Variants in KDM5A observed in about 807,000 individuals in gnomAD.
The protein encoded by KDM5A is lysine-specific demethylase 5A.
A neutral mutation model predicts 193.5 loss-of-function variants in KDM5A; 42 were observed. The observed-to-expected ratio is 0.22, with a 90% CI of 0.17 to 0.28. KDM5A has a LOEUF of 0.28. Among genes scored for constraint, KDM5A ranks in the 10% least tolerant of loss-of-function variants. The pLI is 1.00. For missense variants in KDM5A, 1,692 were observed against 2,055.1 expected, an observed-to-expected ratio of 0.82 and a Z score of 3.42; for synonymous variants, 796 against 718.1, an observed-to-expected ratio of 1.11 and a Z score of -1.73.
chr12:349,054 C>T (rs1944116088), intron 10 of KDM5A, among the ~76,000 whole-genome samples: 1 of 149,622 alleles, frequency 6.7e-6, no homozygotes, highest in Non-Finnish European at 1.5e-5. Context: ...CTGTTTCACC[C>T]TCGTTGCCCA....
intron 3 of KDM5A, among the ~76,000 whole-genome samples, chr12:366,949 C>A (rs141009526): frequency 6.6e-6 from 1 of 152,274 alleles, no homozygotes; most frequent in African/African-American, 2.4e-5. Context: ...CAAATACTTA[C>A]CATTGTGTTA....
intron 24 of KDM5A, among the ~76,000 whole-genome samples, chr12:298,135 G>A (rs1475404135): frequency 6.6e-6 from 1 of 152,202 alleles, no homozygotes; most frequent in African/African-American, 2.4e-5. Flanking sequence ...AGACTTAAAT[G>A]TCCCTGCCTG....
chr12:350,579 A>G (rs1245233496), intron 10 of KDM5A, 42 bp downstream of exon 10: 19 of 1,606,424 alleles, frequency 1.2e-5, no homozygotes, highest in Non-Finnish European at 1.3e-5. Flanking sequence ...TGCAAAAGCT[A>G]AATCAGCTTG....
At chr12:301,158 A>C (rs1943436176) in intron 24 of KDM5A, among the ~76,000 whole-genome samples, 1 of 152,222 alleles carries the variant, frequency 6.6e-6, no homozygotes, top group African/African-American at 2.4e-5. Flanking sequence ...AAAAGAGGGA[A>C]TCCTCCCTAA....
chr12:389,215 G>A lies in KDM5A; in HGVS notation c.-124C>T. The A allele has an allele frequency of 2.2e-6, 2 of 915,788 alleles. No homozygotes were observed. The highest frequency in any genetic ancestry group is 2.6e-5 in the South Asian group (2 of 76,090). The allele number at this position is 915,788 out of a possible 1,614,324, so 56.7% of individuals were successfully genotyped here. A position where few individuals can be genotyped will look rare whatever the true frequency, so the allele number is the denominator to read the frequency against. ...AAGCGCATCTTCGCGGACAAGAACC[G>A]TTCAACACAGAAACCCCAGAATCGC... On this transcript the variant is annotated 5_prime_UTR_variant, in exon 1 of 28. The change creates a new upstream start codon in the 5' untranslated region. Transcript: ENST00000399788.
rs149586314 is a variant in KDM5A, at chr12:285,217, CAA to C, written c.*237_*238del. On this transcript the variant is annotated 3_prime_UTR_variant, in exon 28 of 28. Coordinates refer to ENST00000399788, the MANE Select transcript of KDM5A (RefSeq NM_001042603.3). ...TGGCCTTAATGCAGTAAACCACACT[CAA>C]AGGAGACATGAAATATTGGCTGTTG... 2.7e-3 allele frequency: 1,583 copies of C among 575,712 alleles called. 12 individuals carry two copies. The highest frequency in any genetic ancestry group is 0.025 in the African/African-American group (1,315 of 53,520). 35.7% of individuals were successfully genotyped at this position (575,712 alleles called of 1,614,324 possible). A position where few individuals can be genotyped will look rare whatever the true frequency, so the allele number is the denominator to read the frequency against.
intron 24 of KDM5A, among the ~76,000 whole-genome samples, chr12:298,730 G>A (rs1943404128): frequency 6.6e-6 from 1 of 151,998 alleles, no homozygotes; most frequent in African/African-American, 2.4e-5. Context: ...GGCTTCAGAA[G>A]GTGGGTAATA....
chr12:372,478 TAGG>T (rs1032128424), intron 3 of KDM5A, among the ~76,000 whole-genome samples: 4 of 152,194 alleles, frequency 2.6e-5, no homozygotes, highest in East Asian at 1.9e-4. Context: ...TTTTCAGCTT[TAGG>T]AGATTTTGGG....
In KDM5A at chr12:333,438, AAAACAAAC is replaced by A. The variant is rs751884628; in HGVS notation, c.1653+41_1653+48del. 2.5e-4 allele frequency: 396 copies of A among 1,608,354 alleles called. 5 individuals carry two copies. The highest frequency in any genetic ancestry group is 1.7e-3 in the South Asian group (158 of 90,950). ...TGTTTCAAAAAAAAAGAAAAAAGAA[AAAACAAAC>A]AAACAAACAAACAACTGAAGGAAGA... On this transcript the variant is annotated intron_variant, in intron 12 of 27. Transcript: ENST00000399788.
intron 27 of KDM5A, among the ~76,000 whole-genome samples, chr12:290,841 T>C (rs1343665553): frequency 6.6e-6 from 1 of 151,622 alleles, no homozygotes; most frequent in Non-Finnish European, 1.5e-5. Flanking sequence ...GGAGAAAGAG[T>C]ATAAAAATAA....
chr12:335,161 G>C (rs1943913839), intron 10 of KDM5A, among the ~76,000 whole-genome samples: 1 of 152,240 alleles, frequency 6.6e-6, no homozygotes, highest in Admixed American at 6.5e-5. Context: ...GGAATTCCCA[G>C]TTTCTGGAAA....
At chr12:332,597 T>G (rs116008361) in intron 12 of KDM5A, among the ~76,000 whole-genome samples, 2,646 of 152,280 alleles carry the variant, frequency 0.017, 74 homozygotes, top group African/African-American at 0.06. Flanking sequence ...CAAACTTAGG[T>G]TGAAAAGTGA....
chr12:367,354 C>G (rs555174639), intron 3 of KDM5A, among the ~76,000 whole-genome samples: 13 of 150,018 alleles, frequency 8.7e-5, no homozygotes, highest in Admixed American at 4.0e-4. Flanking sequence ...AGTTTCAAAC[C>G]ATGCTGGACA....
intron 5 of KDM5A, among the ~76,000 whole-genome samples, chr12:362,401 T>C (rs1944304143): frequency 6.6e-6 from 1 of 152,034 alleles, no homozygotes. Context: ...TGAAATTATT[T>C]TAGGTTACAT....
intron 18 of KDM5A, among the ~76,000 whole-genome samples, chr12:318,781 T>C (rs1428104624): frequency 2.6e-5 from 4 of 152,214 alleles, no homozygotes; most frequent in African/African-American, 9.6e-5. Flanking sequence ...ACATACATTC[T>C]AATGCAGATG....
At chr12:323,875 C>T (rs1943751820) in intron 14 of KDM5A, 94 bp from the exon 15 acceptor site, 1 of 974,426 alleles carries the variant, frequency 1.0e-6, no homozygotes, top group African/African-American at 1.6e-5. Flanking sequence ...AGACAAATCT[C>T]TGACTTAAAG....
intron 20 of KDM5A, among the ~76,000 whole-genome samples, chr12:311,387 T>C (rs990307791): frequency 1.3e-5 from 2 of 152,086 alleles, no homozygotes; most frequent in African/African-American, 4.8e-5. Flanking sequence ...CTCACACCTG[T>C]AATCTCAGCA....
rs1465584915 is a variant in KDM5A at position 285,296 on chromosome 12, C to T, written c.*160G>A. 3.1e-6 allele frequency: 2 copies of T among 645,840 alleles called. No individual in the cohort carries two copies. Among genetic ancestry groups the T allele is most frequent in the Admixed American group, 2.6e-5 (1 of 38,522 alleles). The allele number at this position is 645,840 out of a possible 1,614,324, so 40.0% of individuals were successfully genotyped here. A position where few individuals can be genotyped will look rare whatever the true frequency, so the allele number is the denominator to read the frequency against. ...ATATGTTGATAGAGAATGTAACCCA[C>T]AGAGTCCATGCAAAGAGGAAGCCAG... On this transcript the variant is annotated 3_prime_UTR_variant, in exon 28 of 28. Transcript: ENST00000399788.
Position 331,877 on chromosome 12 carries a change from G to A in KDM5A, c.1715C>T (p.Ser572Phe). ...FVVTFPRAYH[S>F]GFNQGYNFAE... ...AAAGTTGTAGCCCTGGTTAAATCCA[G>A]AGTGATAGGCACGAGGAAATGTCAC... The change falls in exon 13 of 28, where the codon TCT becomes TTT. Residue 572 changes from serine to phenylalanine, a missense_variant. Ser to Phe is a radical substitution (Grantham distance 155). This residue lies in a region of KDM5A where 172 missense variants were observed against 260.3 expected (regional missense o/e 0.66). Coordinates refer to ENST00000399788, the MANE Select transcript of KDM5A (RefSeq NM_001042603.3). The A allele has an allele frequency of 6.2e-7, 1 of 1,614,074 alleles. No individual in the cohort carries two copies. The highest frequency in any genetic ancestry group is 1.1e-5 in the South Asian group (1 of 91,082).
Sources: gnomAD v4.1 joint callset for allele counts (sites outside exome capture counted in the v4.1 genomes callset) on GRCh38, gnomAD v4.1.1 for gene constraint, gnomAD v4.1.1 regional missense constraint, MANE v1.5 for transcripts, NCBI Gene and HGNC (gene_info 2026-07-23, HGNC 2026-07-21) for gene names.